PHF24: variants seen among roughly 807,000 people sequenced by gnomAD.
PHF24 encodes the protein Galpha inhibitory interacting protein.
Under a neutral mutation model 42.6 loss-of-function variants are expected in PHF24, and 25 were observed. The observed-to-expected ratio is 0.59, with a 90% CI of 0.43 to 0.82. PHF24 has a LOEUF of 0.82. Ranked by LOEUF, PHF24 falls within the 40% of genes least tolerant of loss-of-function variation. PHF24 has a pLI of 0.00. For missense variants in PHF24, 470 were observed against 538.1 expected (o/e 0.87, Z 1.25); for synonymous variants, 185 against 204.8 (o/e 0.90, Z 0.83).
At chr9:34,891,199 C>G in the PHF24 span, among the ~76,000 whole-genome samples, 1 of 152,194 alleles carries the variant, frequency 6.6e-6, no homozygotes, top group Non-Finnish European at 1.5e-5. Flanking sequence ...TGTCAGTATT[C>G]AGAGTGTCCT....
chr9:34,929,690 C>T, the PHF24 span, among the ~76,000 whole-genome samples: 1 of 152,202 alleles, frequency 6.6e-6, no homozygotes, highest in Non-Finnish European at 1.5e-5. Flanking sequence ...ATTGTCGCCC[C>T]CTACAGCCCC....
chr9:34,803,547 T>C, the PHF24 span, among the ~76,000 whole-genome samples: 2 of 152,120 alleles, frequency 1.3e-5, no homozygotes, highest in African/African-American at 4.8e-5. Context: ...TCTGTTTCCT[T>C]TAAAATTCAG....
chr9:34,934,468 C>T, the PHF24 span, among the ~76,000 whole-genome samples: 1 of 152,108 alleles, frequency 6.6e-6, no homozygotes, highest in Non-Finnish European at 1.5e-5. Context: ...CTTCCTCTGA[C>T]CCTGCTGAGA....
the PHF24 span, among the ~76,000 whole-genome samples, chr9:34,746,388 T>G: frequency 6.6e-6 from 1 of 152,168 alleles, no homozygotes; most frequent in Non-Finnish European, 1.5e-5. Context: ...GTTTCATTTA[T>G]GAACATAGAT....
the PHF24 span, among the ~76,000 whole-genome samples, chr9:34,808,768 C>T: frequency 6.6e-6 from 1 of 151,646 alleles, no homozygotes; most frequent in Non-Finnish European, 1.5e-5. Context: ...TTAAACTCAT[C>T]CAAAAGGGCA....
chr9:34,874,787 C>G, the PHF24 span, among the ~76,000 whole-genome samples: 1 of 152,076 alleles, frequency 6.6e-6, no homozygotes, highest in African/African-American at 2.4e-5. Flanking sequence ...ATCACACAGA[C>G]TCTTCTTAAA....
chr9:34,899,263 A>T, the PHF24 span, among the ~76,000 whole-genome samples: 1 of 152,214 alleles, frequency 6.6e-6, no homozygotes, highest in Non-Finnish European at 1.5e-5. Flanking sequence ...ATCAAGGATT[A>T]TTCTTCATTT....
chr9:34,941,458 C>T, the PHF24 span, among the ~76,000 whole-genome samples: 1 of 152,138 alleles, frequency 6.6e-6, no homozygotes, highest in Non-Finnish European at 1.5e-5. Flanking sequence ...AATAGTGATG[C>T]TGGCTAAGGC....
At chr9:34,769,123 A>G in the PHF24 span, among the ~76,000 whole-genome samples, 4 of 152,102 alleles carry the variant, frequency 2.6e-5, no homozygotes, top group East Asian at 1.9e-4. Context: ...TATAAATGCA[A>G]TCCTTTTTTT....
the PHF24 span, among the ~76,000 whole-genome samples, chr9:34,853,777 G>A: frequency 1.4e-5 from 2 of 141,602 alleles, no homozygotes; most frequent in East Asian, 2.1e-4. Flanking sequence ...GCAGTGAGCC[G>A]AGATCCCGCC....
At chr9:34,899,640 A>G in the PHF24 span, among the ~76,000 whole-genome samples, 1 of 152,230 alleles carries the variant, frequency 6.6e-6, no homozygotes, top group Non-Finnish European at 1.5e-5. Context: ...TTGGGCAGGA[A>G]GCCCCAGAGT....
chr9:34,685,812 T>G, the PHF24 span, among the ~76,000 whole-genome samples: 1 of 152,214 alleles, frequency 6.6e-6, no homozygotes, highest in African/African-American at 2.4e-5. Context: ...CCTATTTCCA[T>G]GGGCTGCTTC....
chr9:34,910,647 G>A, the PHF24 span, among the ~76,000 whole-genome samples: 1 of 152,050 alleles, frequency 6.6e-6, no homozygotes, highest in Non-Finnish European at 1.5e-5. Context: ...GTTTCTTTTT[G>A]TGAACACTTA....
chr9:34,959,626 C>CA (rs1826519565), intron 1 of PHF24, among the ~76,000 whole-genome samples: 1 of 152,164 alleles, frequency 6.6e-6, no homozygotes, highest in South Asian at 2.1e-4. Context: ...TTTAACTGGC[C>CA]ATGAGATTGC....
the PHF24 span, among the ~76,000 whole-genome samples, chr9:34,935,311 C>T: frequency 2.6e-5 from 4 of 152,208 alleles, no homozygotes; most frequent in East Asian, 3.9e-4. Context: ...TGGAACCGGG[C>T]GCAGTGGCTC....
the PHF24 span, among the ~76,000 whole-genome samples, chr9:34,707,333 A>G: frequency 2.0e-5 from 3 of 152,322 alleles, no homozygotes; most frequent in South Asian, 6.2e-4. Context: ...TGTAGGAGGC[A>G]GGTAGGAGGC....
chr9:34,943,614 C>T, the PHF24 span, among the ~76,000 whole-genome samples: 2 of 152,098 alleles, frequency 1.3e-5, no homozygotes, highest in African/African-American at 4.8e-5. Flanking sequence ...TTTATAATCA[C>T]CCAAGTAAAC....
At chr9:34,736,156 A>G in the PHF24 span, among the ~76,000 whole-genome samples, 1 of 152,148 alleles carries the variant, frequency 6.6e-6, no homozygotes. Context: ...AAAAGTGAAA[A>G]AAGCAAAACA....
At chr9:34,720,415 G>T in the PHF24 span, among the ~76,000 whole-genome samples, 2 of 146,282 alleles carry the variant, frequency 1.4e-5, no homozygotes, top group African/African-American at 2.5e-5. Context: ...ACTGCAGCCC[G>T]CAGTCCGGCC....
Sources: allele counts gnomAD v4.1 joint callset (sites outside exome capture counted in the v4.1 genomes callset), GRCh38; gene constraint gnomAD v4.1.1; transcripts MANE v1.5; gene names NCBI Gene and HGNC (gene_info 2026-07-23, HGNC 2026-07-21).